The following PKHD1 variants were observed in gnomAD, a reference collection of about 807,000 sequenced individuals.
The protein encoded by PKHD1 is fibrocystin.
Under a neutral mutation model 412.0 loss-of-function variants are expected in PKHD1, and 291 were observed. The observed-to-expected ratio is 0.71, with a 90% CI of 0.64 to 0.78. The LOEUF is 0.78. Ranked by LOEUF, PKHD1 falls within the 30% of genes least tolerant of loss-of-function variation. The probability of loss-of-function intolerance (pLI) is 0.00; values close to 1 mark genes in which losing one functional copy is unlikely to be tolerated. For missense variants in PKHD1, 4,825 were observed against 4,950.7 expected, an observed-to-expected ratio of 0.97 and a Z score of 0.76; for synonymous variants, 1,777 against 1,821.5, an observed-to-expected ratio of 0.98 and a Z score of 0.62.
At chr6:52,032,518 A>G (rs1417787700) in intron 29 of PKHD1, among the ~76,000 whole-genome samples, 2 of 152,214 alleles carry the variant, frequency 1.3e-5, no homozygotes, top group East Asian at 3.8e-4. Context: ...ATCATATTAA[A>G]TAACTGCTAC....
intron 52 of PKHD1, among the ~76,000 whole-genome samples, chr6:51,806,874 G>C (rs1362996341): frequency 1.3e-5 from 2 of 152,098 alleles, no homozygotes; most frequent in African/African-American, 2.4e-5. Context: ...AGAACATCAG[G>C]TGGGATTATC....
At chr6:51,869,444 T>C (rs1011109940) in intron 47 of PKHD1, among the ~76,000 whole-genome samples, 4 of 152,154 alleles carry the variant, frequency 2.6e-5, no homozygotes, top group African/African-American at 9.7e-5. Flanking sequence ...TGGACATTTA[T>C]TTTAGTGCCT....
At chr6:51,979,041 CA>C (rs1211539346) in intron 35 of PKHD1, among the ~76,000 whole-genome samples, 1 of 152,156 alleles carries the variant, frequency 6.6e-6, no homozygotes, top group African/African-American at 2.4e-5. Context: ...TACCAAACAC[CA>C]AAAATAGAAT....
intron 10 of PKHD1, 61 bp downstream of exon 10, chr6:52,070,345 G>A: frequency 1.0e-6 from 1 of 994,172 alleles, no homozygotes; most frequent in African/African-American, 1.6e-5. Context: ...TAAGCAAGAT[G>A]AGAGAGATAG....
intron 52 of PKHD1, among the ~76,000 whole-genome samples, chr6:51,796,740 T>C (rs2151296877): frequency 6.6e-6 from 1 of 152,268 alleles, no homozygotes; most frequent in South Asian, 2.1e-4. Context: ...ATTTCTGCCT[T>C]AATTTCATTA....
intron 60 of PKHD1, among the ~76,000 whole-genome samples, chr6:51,713,181 T>C (rs1780851437): frequency 6.6e-6 from 1 of 152,224 alleles, no homozygotes; most frequent in Admixed American, 6.5e-5. Flanking sequence ...GGAAATTTAG[T>C]CTTTCTAACC....
Position 51,867,878 on chromosome 6 carries a change from C to A in PKHD1, c.7718G>T (p.Arg2573Leu). The change falls in exon 48 of 67, where the codon CGT (arginine) becomes CTT (leucine). Residue 2573 changes from arginine to leucine, a missense_variant. Physicochemically the swap from Arg to Leu is moderately radical, Grantham distance 102. Transcript: ENST00000371117. Reference sequence around the variant, plus strand: ...TTCCACTTACAAACCAATAGACATACGATGAAAAAGAACACCTCCTCCACA... The same window carrying A: ...TTCCACTTACAAACCAATAGACATAAGATGAAAAAGAACACCTCCTCCACA... ...SACGGGVLFHRMSIGLANTPE... is the reference protein window; with the variant it reads ...SACGGGVLFHLMSIGLANTPE... 1 of 1,613,152 alleles carries A rather than the reference C, an allele frequency of 6.2e-7. No homozygotes were observed. The highest frequency in any genetic ancestry group is 8.5e-7 in the Non-Finnish European group (1 of 1,179,308).
chr6:51,643,611 G>A (rs1769673877), intron 63 of PKHD1, among the ~76,000 whole-genome samples: 1 of 152,078 alleles, frequency 6.6e-6, no homozygotes. Flanking sequence ...CTCAAAGTTT[G>A]GTAGAAAATT....
At chr6:51,633,665 C>T (rs1768195851) in intron 64 of PKHD1, among the ~76,000 whole-genome samples, 1 of 152,068 alleles carries the variant, frequency 6.6e-6, no homozygotes, top group Non-Finnish European at 1.5e-5. Flanking sequence ...TTGTAGGATT[C>T]CATTTATATA....
chr6:51,850,759 G>T (rs1218508216), intron 49 of PKHD1, among the ~76,000 whole-genome samples: 3 of 152,124 alleles, frequency 2.0e-5, no homozygotes, highest in African/African-American at 7.2e-5. Flanking sequence ...CTGAGACTTT[G>T]AAGCTGAAGT....
At chr6:51,986,947 C>G (rs62406003) in intron 35 of PKHD1, among the ~76,000 whole-genome samples, 8,295 of 152,214 alleles carry the variant, frequency 0.054, 298 homozygotes, top group East Asian at 0.14. Flanking sequence ...CATAATCTAG[C>G]AGGAAACAAG....
chr6:52,021,049 T>C (rs1801323682), intron 33 of PKHD1, among the ~76,000 whole-genome samples: 1 of 152,172 alleles, frequency 6.6e-6, no homozygotes, highest in Admixed American at 6.5e-5. Context: ...CTCTCAATCT[T>C]TAGACATTGT....
In PKHD1 at chr6:51,744,473, A is replaced by T; in HGVS notation, c.10068T>A (p.Asp3356Glu). The T allele has an allele frequency of 6.2e-7, 1 of 1,612,788 alleles. No homozygotes were observed. Among genetic ancestry groups the T allele is most frequent in the Non-Finnish European group, 8.5e-7 (1 of 1,178,830 alleles). Residue 3356 changes from aspartate (D) to glutamate (E), a missense_variant, in exon 60 of 67, where the codon GAT (aspartate) becomes GAA (glutamate). By Grantham distance (45) the Asp-to-Glu change is conservative. Transcript: ENST00000371117. ...GCAGACCCAGGGCTCTCCCATCCAG[A>T]TCCTTGAAGAGATATTTTCTTGGAC... ...CASPRKYLFK[D>E]LDGRALGLPP...
At chr6:52,019,865 A>G (rs1047047907) in intron 33 of PKHD1, among the ~76,000 whole-genome samples, 4 of 152,256 alleles carry the variant, frequency 2.6e-5, no homozygotes, top group Admixed American at 2.6e-4. Flanking sequence ...GGTTAGAAGT[A>G]CAGTTTGTGG....
At chr6:51,913,003 G>A (rs1052699754) in intron 37 of PKHD1, among the ~76,000 whole-genome samples, 4 of 152,032 alleles carry the variant, frequency 2.6e-5, no homozygotes, top group African/African-American at 7.2e-5. Flanking sequence ...CAATGAAATA[G>A]TATCTATGAA....
chr6:51,872,190 T>A (rs1208374888), intron 46 of PKHD1, among the ~76,000 whole-genome samples: 1 of 151,534 alleles, frequency 6.6e-6, no homozygotes, highest in Non-Finnish European at 1.5e-5. Flanking sequence ...GAAAGAATTA[T>A]CAAAGAAATA....
intron 37 of PKHD1, among the ~76,000 whole-genome samples, chr6:51,919,802 C>T (rs757647555): frequency 3.9e-5 from 6 of 152,208 alleles, no homozygotes; most frequent in Non-Finnish European, 8.8e-5. Context: ...TCTTTGATTT[C>T]CTTGAGCAGT....
At chr6:52,053,287 G>T (rs1807171031) in intron 20 of PKHD1, 36 bp from the exon 21 acceptor site, 4 of 1,609,098 alleles carry the variant, frequency 2.5e-6, no homozygotes, top group Middle Eastern at 1.7e-4. Flanking sequence ...GGGCTCTCAG[G>T]GAGCACTTGC....
At position 52,025,288 on chromosome 6, in the gene PKHD1, T is replaced by C; in HGVS notation, c.4522A>G (p.Arg1508Gly). 6.2e-7 allele frequency: 1 copy of C among 1,614,022 alleles called. No homozygotes were observed. ...GGCTCATCAGCTGTGGTGGCTAACC[T>C]CTGACCCCTAATCAGCACAGTGGTC... Reference protein sequence around the residue: ...SLTTVLIRGQRLATTADEPMV... With the variant: ...SLTTVLIRGQGLATTADEPMV... Residue 1508 changes from arginine (R) to glycine (G), a missense_variant, in exon 32 of 67, where the codon AGG (arginine) becomes GGG (glycine). Physicochemically the swap from Arg to Gly is moderately radical, Grantham distance 125 (BLOSUM62 -2). Coordinates refer to ENST00000371117, the MANE Select transcript of PKHD1 (RefSeq NM_138694.4).
Sources: allele counts gnomAD v4.1 joint callset (sites outside exome capture counted in the v4.1 genomes callset), GRCh38; gene constraint gnomAD v4.1.1; transcripts MANE v1.5; gene names NCBI Gene and HGNC (gene_info 2026-07-23, HGNC 2026-07-21).